CD8A: variants seen among roughly 807,000 people sequenced by gnomAD.
CD8A encodes T-cell surface glycoprotein CD8 alpha chain.
Under a neutral mutation model 24.2 loss-of-function variants are expected in CD8A, and 25 were observed. The observed-to-expected ratio is 1.03, with a 90% CI of 0.75 to 1.44. The LOEUF (loss-of-function observed/expected upper bound fraction) is 1.44. Among genes scored for constraint, CD8A ranks in the 40% most tolerant of loss-of-function variants. The pLI is 0.00. For synonymous variants in CD8A, 165 were observed against 149.9 expected (o/e 1.10, Z -0.74); for missense variants, 360 against 319.7 (o/e 1.13, Z -0.96).
In CD8A at chr2:86,796,541, T is replaced by C. The variant is rs1348028926; in HGVS notation, c.-271+4970A>G. The stretch of plus-strand genomic sequence containing the variant: ...GAAGCTGAACTGTAATGGGGAAAAA[T>C]ATACACATTTTGGTTACACCTTGCA... On this transcript the variant is annotated intron_variant, in intron 3 of 8. Transcript: ENST00000409511. 3.9e-5 allele frequency among the ~76,000 whole-genome samples: 6 copies of C among 152,114 alleles called. 1 individual carries two copies. In the East Asian group the frequency reaches 9.6e-4, roughly 24 times the overall value.
In CD8A at chr2:86,790,819, A is replaced by C; in HGVS notation, c.7T>G (p.Leu3Val). The C allele has an allele frequency of 6.5e-7, 1 of 1,548,350 alleles. No individual in the cohort carries two copies. The change falls in exon 1 of 6, where the codon TTA becomes GTA. Residue 3 changes from leucine to valine, a missense_variant. Transcript: ENST00000283635. MA[L>V]PVTALLLPLA... Reference sequence around the variant, plus strand: ...GGCAGGAGCAAGGCGGTCACTGGTAAGGCCATGACGCGCTCCCCAGGACGC... The same window carrying C: ...GGCAGGAGCAAGGCGGTCACTGGTACGGCCATGACGCGCTCCCCAGGACGC...
At chr2:86,806,852 C>T (rs1346768318) in intron 2 of CD8A, among the ~76,000 whole-genome samples, 1 of 152,184 alleles carries the variant, frequency 6.6e-6, no homozygotes, top group African/African-American at 2.4e-5. Flanking sequence ...GGCCAGCACC[C>T]AAAAGAATTA....
upstream of CD8A, among the ~76,000 whole-genome samples, chr2:86,795,040 C>CAGT (rs1673437332): frequency 6.6e-6 from 1 of 152,210 alleles, no homozygotes; most frequent in African/African-American, 2.4e-5. Context: ...CAGTACAGAC[C>CAGT]ACATCCTTCT....
intron 3 of CD8A, among the ~76,000 whole-genome samples, chr2:86,799,454 A>AGCCAAGATCGCACCACTGCAC (rs1673588221): frequency 1.3e-5 from 2 of 152,038 alleles, no homozygotes; most frequent in African/African-American, 4.8e-5. Context: ...AGTCCCCAGT[A>AGCCAAGATCGCACCACTGCAC]TCCAGGTAGA....
chr2:86,787,823 T>A (rs1255740058), intron 5 of CD8A, among the ~76,000 whole-genome samples: 1 of 151,874 alleles, frequency 6.6e-6, no homozygotes, highest in Non-Finnish European at 1.5e-5. Context: ...AGCAGGCACT[T>A]GTTAGATGCT....
In CD8A at chr2:86,784,901, CTCCT is replaced by C; in HGVS notation, c.*1015_*1018del. 2.2e-6 allele frequency: 1 copy of C among 454,080 alleles called. No individual in the cohort carries two copies. Among genetic ancestry groups the C allele is most frequent in the Non-Finnish European group, 4.4e-6 (1 of 226,786 alleles). 28.1% of individuals were successfully genotyped at this position (454,080 alleles called of 1,614,324 possible). On this transcript the variant is annotated 3_prime_UTR_variant, in exon 6 of 6. Transcript: ENST00000283635. ...TGGGACAGCAGTTTGGGCTCTCAGCCTCCTTAAGAGAGTCAGGTCTGCCTCATCC... is the reference window on the plus strand; with the variant it reads ...TGGGACAGCAGTTTGGGCTCTCAGCCTAAGAGAGTCAGGTCTGCCTCATCC...
intron 5 of CD8A, among the ~76,000 whole-genome samples, chr2:86,788,245 GTTTTTTT>G (rs10663115): frequency 1.7e-4 from 21 of 127,110 alleles, no homozygotes; most frequent in Admixed American, 4.2e-4. Flanking sequence ...AATCCCTCAG[GTTTTTTT>G]TTTTTTTTTT....
intron 5 of CD8A, among the ~76,000 whole-genome samples, chr2:86,787,898 A>AGAGTGTGTGTGTGTGTGT (rs369993109): frequency 6.9e-6 from 1 of 144,484 alleles, no homozygotes; most frequent in Non-Finnish European, 1.5e-5. Context: ...AGAGAGAGAG[A>AGAGTGTGTGTGTGTGTGT]GTGTGTGTGT....
upstream of CD8A, chr2:86,791,816 T>C (rs1673322840): frequency 2.7e-6 from 1 of 372,590 alleles, no homozygotes; most frequent in Non-Finnish European, 5.3e-6. Flanking sequence ...CGCTCTGTGC[T>C]TTCACGCCCT....
At chr2:86,786,821 C>G (rs1266342628) in intron 5 of CD8A, among the ~76,000 whole-genome samples, 1 of 151,728 alleles carries the variant, frequency 6.6e-6, no homozygotes, top group Non-Finnish European at 1.5e-5. Context: ...GAGATCGAGA[C>G]CATCCTGGCT....
At chr2:86,789,817 C>T in intron 2 of CD8A, 67 bp from the exon 3 acceptor site, 1 of 965,076 alleles carries the variant, frequency 1.0e-6, no homozygotes, top group Non-Finnish European at 1.4e-6. Context: ...GCCCCGGCCT[C>T]GCGCACCTTT....
At chr2:86,790,931 C>T (rs987124060), upstream of CD8A, 31 of 1,103,860 alleles carry the variant, frequency 2.8e-5, no homozygotes, top group Admixed American at 4.0e-5. Context: ...TCGGCCGGCC[C>T]GGAGCCTGAT....
chr2:86,794,783 C>G (rs1280054000), upstream of CD8A, among the ~76,000 whole-genome samples: 3 of 151,752 alleles, frequency 2.0e-5, no homozygotes, highest in Admixed American at 2.0e-4. Context: ...CCTGTGAGGC[C>G]CTGCACACTT....
In CD8A at chr2:86,785,182, C is replaced by A. The variant is rs1244955896; in HGVS notation, c.*738G>T. On this transcript the variant is annotated 3_prime_UTR_variant, in exon 6 of 6. Coordinates refer to ENST00000283635, the MANE Select transcript of CD8A (RefSeq NM_001768.7). The stretch of plus-strand genomic sequence containing the variant: ...ATTCCGCCTCCACATAGGGGTTTCA[C>A]AGAGATTTTCTTTAGAGATAGAGGG... 1 of 453,880 alleles carries A rather than the reference C, an allele frequency of 2.2e-6. No individual in the cohort carries two copies. Among genetic ancestry groups the A allele is most frequent in the Non-Finnish European group, 4.4e-6 (1 of 226,760 alleles). 28.1% of individuals were successfully genotyped at this position (453,880 alleles called of 1,614,324 possible). A position where few individuals can be genotyped will look rare whatever the true frequency, so the allele number is the denominator to read the frequency against.
At chr2:86,794,292 A>T (rs2104448378), upstream of CD8A, among the ~76,000 whole-genome samples, 1 of 152,318 alleles carries the variant, frequency 6.6e-6, no homozygotes, top group South Asian at 2.1e-4. Context: ...GAAAACTTTA[A>T]TGTAGATTAA....
chr2:86,785,522 C>A lies in CD8A; in HGVS notation c.*398G>T, dbSNP rs576167762. On this transcript the variant is annotated 3_prime_UTR_variant, in exon 6 of 6. Transcript: ENST00000283635. ...GGTCCCTCCAGCTACTGCTCCAACC[C>A]TGACTTGCTGTGTGCCTTTGATCAA... 15 of 468,298 alleles carry A rather than the reference C, an allele frequency of 3.2e-5. No individual in the cohort carries two copies. The highest frequency in any genetic ancestry group is 3.0e-4 in the African/African-American group (15 of 50,720). 29.0% of individuals were successfully genotyped at this position (468,298 alleles called of 1,614,324 possible).
upstream of CD8A, chr2:86,791,822 G>A (rs1213065285): frequency 2.7e-6 from 1 of 366,156 alleles, no homozygotes; most frequent in Non-Finnish European, 5.4e-6. Context: ...GTGCTTTCAC[G>A]CCCTTGCACT....
rs1455670149 is a variant in CD8A at position 86,807,313 on chromosome 2, CCT to C, written c.-418+132_-418+133del. On this transcript the variant is annotated intron_variant, in intron 2 of 8. Transcript: ENST00000409511. ...TCCAGCCTGGGCGATAGAACAAGAC[CCT>C]GTCTCTTAAAACAAACAAGAAACAA... 2.6e-5 allele frequency: 4 copies of C among 152,346 alleles called. 1 individual carries two copies. Among genetic ancestry groups the C allele is most frequent in the African/African-American group, 9.7e-5 (4 of 41,422 alleles). The allele number at this position is 152,346 out of a possible 1,614,324, so 9.4% of individuals were successfully genotyped here.
chr2:86,792,612 A>T (rs569563830), upstream of CD8A, among the ~76,000 whole-genome samples: 41 of 151,704 alleles, frequency 2.7e-4, no homozygotes, highest in African/African-American at 9.9e-4. Flanking sequence ...CTTCCACCTC[A>T]GCCTCCCAAG....
Sources: gnomAD v4.1 joint callset for allele counts (sites outside exome capture counted in the v4.1 genomes callset) on GRCh38, gnomAD v4.1.1 for gene constraint, MANE v1.5 for transcripts, NCBI Gene and HGNC (gene_info 2026-07-23, HGNC 2026-07-21) for gene names.